The following MEI1 variants were observed in gnomAD, a reference collection of about 807,000 sequenced individuals.
MEI1 encodes the protein meiotic double-stranded break formation protein 1, also known as meiosis inhibitor protein 1.
Under a neutral mutation model 146.2 loss-of-function variants are expected in MEI1, and 103 were observed. The ratio of observed to expected loss-of-function variants is 0.70; its 90% CI spans 0.60 to 0.83. MEI1 has a LOEUF of 0.83. Ranked by LOEUF, MEI1 falls within the 40% of genes least tolerant of loss-of-function variation. The pLI is 0.00. For synonymous variants in MEI1, 652 were observed against 628.2 expected (o/e 1.04, Z -0.57); for missense variants, 1,529 against 1,533.0 (o/e 1.00, Z 0.04).
At chr22:41,750,416 A>G (rs964061965) in intron 15 of MEI1, among the ~76,000 whole-genome samples, 1 of 152,236 alleles carries the variant, frequency 6.6e-6, no homozygotes, top group African/African-American at 2.4e-5. Flanking sequence ...ACTTGGCTTC[A>G]TGGCAGCTTT....
chr22:41,710,728 A>G (rs1284912119), intron 3 of MEI1, among the ~76,000 whole-genome samples: 1 of 152,226 alleles, frequency 6.6e-6, no homozygotes, highest in Non-Finnish European at 1.5e-5. Flanking sequence ...ATATTGAATA[A>G]GCCATTCTGT....
intron 18 of MEI1, among the ~76,000 whole-genome samples, chr22:41,762,236 TTTTC>T (rs747632074): frequency 1.3e-5 from 2 of 152,102 alleles, no homozygotes; most frequent in Admixed American, 1.3e-4. Flanking sequence ...TTTCGCTTTC[TTTTC>T]TTTCTTTCTT....
chr22:41,707,059 C>T lies in MEI1; in HGVS notation c.349+1505C>T, dbSNP rs932079678. On this transcript the variant is annotated intron_variant, in intron 3 of 30. Transcript: ENST00000401548. ...AAAAAAAAAAAAAAAAAAAATTAGC[C>T]GGGCGCGGTGGCGGGCACCTGTAAT... Among the ~76,000 whole-genome samples, 13 of 148,588 alleles carry T rather than the reference C, an allele frequency of 8.7e-5. No homozygotes were observed. In the South Asian group the frequency reaches 1.3e-3, roughly 15 times the overall value.
In MEI1 at chr22:41,758,371, C is replaced by G. The variant is rs1335389940; in HGVS notation, c.1958C>G (p.Ser653Cys). Residue 653 changes from serine (S) to cysteine (C), a missense_variant, in exon 18 of 31, where the codon TCT (serine) becomes TGT (cysteine). This residue lies in a region of MEI1 where 1,212 missense variants were observed against 1,178.9 expected (regional missense o/e 1.03). Transcript: ENST00000401548. The stretch of plus-strand genomic sequence containing the variant: ...CTACTTATTCCCTCCCTAGAACTCT[C>G]TGCAGTGTCTGAGCTCCTGCAGCAT... ...KTGPPSKEEL[S>C]AVSELLQHGL... is the part of the protein sequence containing the mutation. 3 of 1,612,838 alleles carry G rather than the reference C, an allele frequency of 1.9e-6. No individual in the cohort carries two copies. In the African/African-American group the frequency reaches 4.0e-5, roughly 22 times the overall value.
intron 11 of MEI1, among the ~76,000 whole-genome samples, chr22:41,735,198 G>T (rs1406505709): frequency 6.8e-6 from 1 of 147,524 alleles, no homozygotes; most frequent in South Asian, 2.2e-4. Context: ...TCCTGACCTC[G>T]TGATCCGCCC....
chr22:41,778,983 T>C (rs909078989), intron 22 of MEI1, 171 bp downstream of exon 22: 7 of 561,432 alleles, frequency 1.2e-5, no homozygotes, highest in African/African-American at 1.9e-5. Flanking sequence ...CAGGGCTTTC[T>C]CTGCTTGTTC....
intron 11 of MEI1, among the ~76,000 whole-genome samples, chr22:41,739,337 G>T (rs529994757): frequency 7.9e-5 from 12 of 152,054 alleles, no homozygotes; most frequent in African/African-American, 2.9e-4. Flanking sequence ...ACCTAAAACT[G>T]GTATTTCTTG....
chr22:41,748,034 G>A (rs2073463413), intron 14 of MEI1, 73 bp from the exon 15 acceptor site: 2 of 1,004,506 alleles, frequency 2.0e-6, no homozygotes, highest in East Asian at 5.0e-5. Context: ...GATTTGATGT[G>A]AGTTTTCTCT....
chr22:41,741,635 T>A (rs1000555146), intron 11 of MEI1, among the ~76,000 whole-genome samples: 5 of 152,222 alleles, frequency 3.3e-5, no homozygotes, highest in Non-Finnish European at 2.9e-5. Flanking sequence ...GAATCACTTC[T>A]CCCTAGAGAT....
chr22:41,761,205 G>A (rs1601990473), intron 18 of MEI1, among the ~76,000 whole-genome samples: 1 of 152,058 alleles, frequency 6.6e-6, no homozygotes, highest in African/African-American at 2.4e-5. Context: ...CAGCTACTGG[G>A]GAGGCTGAGG....
intron 7 of MEI1, among the ~76,000 whole-genome samples, chr22:41,729,163 T>G (rs1488677736): frequency 1.1e-4 from 1 of 8,844 alleles, no homozygotes; most frequent in Non-Finnish European, 2.6e-4. Context: ...AGACTCCGTC[T>G]CAAAAAAAAA....
chr22:41,742,222 T>G (rs965137972), intron 11 of MEI1, among the ~76,000 whole-genome samples: 7 of 152,250 alleles, frequency 4.6e-5, no homozygotes, highest in African/African-American at 1.7e-4. Context: ...ATCACACCAC[T>G]GCACTCCAGC....
At chr22:41,730,712 T>TGG in intron 9 of MEI1, 75 bp downstream of exon 9, 1 of 914,656 alleles carries the variant, frequency 1.1e-6, no homozygotes, top group African/African-American at 1.6e-5. Flanking sequence ...GCCGCAGTGA[T>TGG]GGGGGGCTAG....
intron 17 of MEI1, among the ~76,000 whole-genome samples, chr22:41,754,301 T>G (rs1388509482): frequency 6.6e-6 from 1 of 152,240 alleles, no homozygotes; most frequent in Non-Finnish European, 1.5e-5. Flanking sequence ...GTCCAGTTCC[T>G]TCTTCCTGAC....
intron 17 of MEI1, among the ~76,000 whole-genome samples, chr22:41,757,177 C>T (rs1203028874): frequency 1.3e-5 from 2 of 152,270 alleles, no homozygotes; most frequent in Non-Finnish European, 2.9e-5. Context: ...TCACTGCAGG[C>T]TCCGCCTTCT....
intron 12 of MEI1, 104 bp from the exon 13 acceptor site, chr22:41,744,869 G>A: frequency 1.9e-6 from 1 of 526,124 alleles, no homozygotes. Context: ...GTATGGGAAT[G>A]TCAGACTGCA....
chr22:41,772,674 C>T (rs913401532), intron 20 of MEI1, among the ~76,000 whole-genome samples: 1 of 152,150 alleles, frequency 6.6e-6, no homozygotes, highest in South Asian at 2.1e-4. Context: ...TGCCCATGGT[C>T]ACAAGAGTTG....
chr22:41,791,251 C>T (rs1218468676), intron 26 of MEI1, among the ~76,000 whole-genome samples: 1 of 152,068 alleles, frequency 6.6e-6, no homozygotes. Flanking sequence ...CTCAGGGAGG[C>T]CAAGGTGGGT....
Position 41,703,536 on chromosome 22 carries a change from T to G in MEI1, c.298+82T>G, listed in dbSNP as rs965718213. 39 of 1,288,666 alleles carry G rather than the reference T, an allele frequency of 3.0e-5. No homozygotes were observed. The Admixed American group carries it at 1.1e-3, about 37-fold the overall frequency. The allele number at this position is 1,288,666 out of a possible 1,614,324, so 79.8% of individuals were successfully genotyped here. On this transcript the variant is annotated intron_variant, in intron 2 of 30. Transcript: ENST00000401548. ...TTTTGGGGCTCTTGGAAAAATGATC[T>G]TAGATGATTTAGGTTTTTTGTATTG...
Sources: allele counts gnomAD v4.1 joint callset (sites outside exome capture counted in the v4.1 genomes callset), GRCh38; gene constraint gnomAD v4.1.1; regional missense constraint gnomAD v4.1.1; transcripts MANE v1.5; gene names NCBI Gene and HGNC (gene_info 2026-07-23, HGNC 2026-07-21).